Variants in CGNL1 observed in about 807,000 individuals in gnomAD.
CGNL1 encodes the protein cingulin like 1.
CGNL1 carries 132 observed loss-of-function variants against 141.2 expected under a neutral mutation model. That is an observed-to-expected ratio of 0.93 (90% confidence interval 0.81 to 1.08). The LOEUF is 1.08. Ranked by LOEUF, CGNL1 falls within the 50% of genes least tolerant of loss-of-function variation. The probability of loss-of-function intolerance (pLI) is 0.00; values close to 1 mark genes in which losing one functional copy is unlikely to be tolerated. For synonymous variants in CGNL1, 690 were observed against 622.1 expected, an observed-to-expected ratio of 1.11 and a Z score of -1.63; for missense variants, 1,870 against 1,588.6, an observed-to-expected ratio of 1.18 and a Z score of -3.01.
chr15:57,493,002 G>A (rs1371376444), intron 8 of CGNL1, among the ~76,000 whole-genome samples: 4 of 152,172 alleles, frequency 2.6e-5, no homozygotes, highest in Admixed American at 6.5e-5. Flanking sequence ...CCTTCTGCAC[G>A]TGGGATAAGG....
At position 57,388,742 on chromosome 15, in the gene CGNL1, T is replaced by C. The variant is rs185219107; in HGVS notation, c.-16+12175T>C. 1.2e-3 allele frequency among the ~76,000 whole-genome samples: 185 copies of C among 152,282 alleles called. 3 individuals carry two copies. The highest frequency in any genetic ancestry group is 9.6e-4 in the East Asian group (5 of 5,184). ...AGATGGAGAAATTATGCTTGGCAAA[T>C]CTATTAAAGTTCTCCGAGGGAGAGA... is the stretch of plus-strand genomic sequence containing the variant. On this transcript the variant is annotated intron_variant, in intron 1 of 18. Coordinates refer to ENST00000281282, the MANE Select transcript of CGNL1 (RefSeq NM_032866.5).
At chr15:57,539,065 T>C (rs1328297179) in intron 14 of CGNL1, among the ~76,000 whole-genome samples, 1 of 152,128 alleles carries the variant, frequency 6.6e-6, no homozygotes, top group African/African-American at 2.4e-5. Context: ...TCTTGATTCT[T>C]GGTGTTTCCC....
At chr15:57,491,094 A>G (rs2063855405) in intron 8 of CGNL1, among the ~76,000 whole-genome samples, 1 of 152,172 alleles carries the variant, frequency 6.6e-6, no homozygotes, top group Admixed American at 6.5e-5. Flanking sequence ...GATGTTAGGT[A>G]AAAACTAAGG....
intron 1 of CGNL1, among the ~76,000 whole-genome samples, chr15:57,400,300 A>G (rs2062645817): frequency 6.6e-6 from 1 of 152,056 alleles, no homozygotes; most frequent in African/African-American, 2.4e-5. Context: ...GCCTCTTCTC[A>G]TTCTTAGGTC....
chr15:57,455,011 T>A (rs1373267396), intron 7 of CGNL1, among the ~76,000 whole-genome samples: 1 of 152,214 alleles, frequency 6.6e-6, no homozygotes, highest in African/African-American at 2.4e-5. Context: ...CATCTACCCA[T>A]GTATATATAA....
chr15:57,547,767 G>C lies in CGNL1; in HGVS notation c.*277G>C, dbSNP rs1159059292. On this transcript the variant is annotated 3_prime_UTR_variant, in exon 19 of 19. Transcript: ENST00000281282. The stretch of plus-strand genomic sequence containing the variant: ...TACACTTTGGTAGGCTGAGGCCCCT[G>C]TTCCACAGCCACTATTTGCATTGCT... The C allele has an allele frequency of 2.6e-6, 1 of 388,968 alleles. No homozygotes were observed. Among genetic ancestry groups the C allele is most frequent in the Non-Finnish European group, 4.6e-6 (1 of 216,924 alleles). 24.1% of individuals were successfully genotyped at this position (388,968 alleles called of 1,614,324 possible).
intron 12 of CGNL1, chr15:57,527,630 C>T (rs1449601354): frequency 4.6e-5 from 7 of 152,264 alleles, no homozygotes; most frequent in Non-Finnish European, 8.8e-5. Context: ...CTGACTGGCC[C>T]TTGTGAATCA....
chr15:57,486,734 C>G (rs2063790267), intron 8 of CGNL1, among the ~76,000 whole-genome samples: 1 of 152,192 alleles, frequency 6.6e-6, no homozygotes, highest in African/African-American at 2.4e-5. Flanking sequence ...CATGTTGAAT[C>G]TGACCGTGTT....
At chr15:57,535,138 C>T (rs2032187845) in intron 14 of CGNL1, among the ~76,000 whole-genome samples, 2 of 152,182 alleles carry the variant, frequency 1.3e-5, no homozygotes, top group Non-Finnish European at 2.9e-5. Flanking sequence ...GGTGATTTGA[C>T]CACAGTCATG....
intron 1 of CGNL1, among the ~76,000 whole-genome samples, chr15:57,397,339 C>T (rs942671731): frequency 3.3e-5 from 5 of 152,116 alleles, no homozygotes; most frequent in Non-Finnish European, 2.9e-5. Flanking sequence ...CACAGGGGAC[C>T]CGCAGGCCTT....
intron 1 of CGNL1, among the ~76,000 whole-genome samples, chr15:57,424,950 A>G (rs2062956607): frequency 6.6e-6 from 1 of 152,228 alleles, no homozygotes. Context: ...TTGCATTTGT[A>G]TTTAATGTGC....
chr15:57,408,264 CAG>C (rs1476039086), intron 1 of CGNL1, among the ~76,000 whole-genome samples: 9 of 152,000 alleles, frequency 5.9e-5, no homozygotes, highest in African/African-American at 2.2e-4. Flanking sequence ...AAAGGGAAAA[CAG>C]AGTTAAGTTT....
In CGNL1 at chr15:57,528,883, C is replaced by T. The variant is rs2031787926; in HGVS notation, c.3201+68C>T. On this transcript the variant is annotated intron_variant, in intron 13 of 18. Coordinates refer to ENST00000281282, the MANE Select transcript of CGNL1 (RefSeq NM_032866.5). ...CGAGGCTGGGCCACGAGAGAAGCAG[C>T]CTCTTTGCTCTCAGCTCAGCCTTTG... The T allele has an allele frequency of 5.9e-6, 9 of 1,515,456 alleles. No individual in the cohort carries two copies. The South Asian group carries it at 1.1e-4, about 18-fold the overall frequency. The allele number at this position is 1,515,456 out of a possible 1,614,324, so 93.9% of individuals were successfully genotyped here.
chr15:57,483,469 T>TTTC (rs386383116), intron 8 of CGNL1, among the ~76,000 whole-genome samples: 6 of 23,758 alleles, frequency 2.5e-4, no homozygotes, highest in Non-Finnish European at 6.6e-4. Context: ...CAAAGTTTTC[T>TTTC]TTTTTTTTTT....
intron 3 of CGNL1, among the ~76,000 whole-genome samples, chr15:57,441,550 G>C (rs1193253464): frequency 2.0e-5 from 3 of 152,002 alleles, no homozygotes; most frequent in African/African-American, 7.3e-5. Flanking sequence ...TGTATTTTTA[G>C]TAGAGACACA....
chr15:57,398,546 T>C (rs1202518215), intron 1 of CGNL1: 2 of 152,242 alleles, frequency 1.3e-5, no homozygotes, highest in African/African-American at 2.4e-5. Context: ...TGGGAAGCAC[T>C]GTGAGCTCTG....
At chr15:57,384,335 G>A (rs1274427178) in intron 1 of CGNL1, among the ~76,000 whole-genome samples, 2 of 152,112 alleles carry the variant, frequency 1.3e-5, no homozygotes, top group Non-Finnish European at 2.9e-5. Context: ...TTTGCCTCCA[G>A]CCCCATCCTA....
chr15:57,486,699 G>C (rs16977531), intron 8 of CGNL1, among the ~76,000 whole-genome samples: 19,783 of 152,178 alleles, frequency 0.13, 1,896 homozygotes, highest in East Asian at 0.46. Flanking sequence ...GGAGTGGTAA[G>C]TGGGATGAGG....
chr15:57,407,511 A>G (rs2062736908), intron 1 of CGNL1, among the ~76,000 whole-genome samples: 1 of 151,996 alleles, frequency 6.6e-6, no homozygotes, highest in Non-Finnish European at 1.5e-5. Context: ...TGTCTCAACA[A>G]AAAAAATTTA....
Sources: allele counts gnomAD v4.1 joint callset (sites outside exome capture counted in the v4.1 genomes callset), GRCh38; gene constraint gnomAD v4.1.1; transcripts MANE v1.5; gene names NCBI Gene and HGNC (gene_info 2026-07-23, HGNC 2026-07-21).